The following MROH9 variants were observed in gnomAD, a reference collection of about 807,000 sequenced individuals.
MROH9 encodes the protein maestro heat-like repeat-containing protein family member 9.
In MROH9, 92 loss-of-function variants were observed where a neutral mutation model predicts 98.2. The observed-to-expected ratio is 0.94, with a 90% CI of 0.79 to 1.11. The LOEUF is 1.11. Among genes scored for constraint, MROH9 ranks in the 50% most tolerant of loss-of-function variants. The pLI, the probability that MROH9 is intolerant of heterozygous loss-of-function variation, is 0.00. For missense variants in MROH9, 1,057 were observed against 1,014.8 expected (o/e 1.04, Z -0.57); for synonymous variants, 397 against 368.9 (o/e 1.08, Z -0.87).
chr1:170,973,424 G>T (rs1461811896), intron 8 of MROH9, among the ~76,000 whole-genome samples: 2 of 151,958 alleles, frequency 1.3e-5, no homozygotes, highest in Non-Finnish European at 2.9e-5. Flanking sequence ...CTGTTTTAGT[G>T]CTACTTAAAA....
At chr1:170,978,325 C>A (rs1027258581) in intron 8 of MROH9, among the ~76,000 whole-genome samples, 21 of 152,136 alleles carry the variant, frequency 1.4e-4, no homozygotes, top group African/African-American at 4.1e-4. Context: ...TTGAGGGCAG[C>A]AGGGATAGAA....
chr1:170,981,834 A>G (rs1018425156), intron 8 of MROH9, among the ~76,000 whole-genome samples: 4 of 152,170 alleles, frequency 2.6e-5, no homozygotes, highest in African/African-American at 7.2e-5. Flanking sequence ...GCAAAGGAGC[A>G]AATCAAATAA....
At chr1:170,939,055 C>T (rs1158992020) in intron 1 of MROH9, among the ~76,000 whole-genome samples, 2 of 152,214 alleles carry the variant, frequency 1.3e-5, no homozygotes, top group East Asian at 3.8e-4. Flanking sequence ...GTCATCCTAT[C>T]TGCTTGATTA....
At chr1:170,949,378 A>G (rs2101875896) in intron 3 of MROH9, among the ~76,000 whole-genome samples, 1 of 152,168 alleles carries the variant, frequency 6.6e-6, no homozygotes, top group African/African-American at 2.4e-5. Flanking sequence ...AGTCAAGAGG[A>G]AATAACAGGA....
At chr1:171,048,545 T>C (rs940904955) in intron 20 of MROH9, among the ~76,000 whole-genome samples, 4 of 152,102 alleles carry the variant, frequency 2.6e-5, no homozygotes, top group African/African-American at 7.2e-5. Context: ...TTCAGGACAG[T>C]GGCTTCCCCT....
At chr1:170,974,292 C>G (rs1295486237) in intron 8 of MROH9, among the ~76,000 whole-genome samples, 1 of 151,824 alleles carries the variant, frequency 6.6e-6, no homozygotes, top group Non-Finnish European at 1.5e-5. Context: ...GTAATAAAAG[C>G]TATAAACTCA....
chr1:171,059,985 T>A (rs1485849646), intron 20 of MROH9, among the ~76,000 whole-genome samples: 1 of 151,112 alleles, frequency 6.6e-6, no homozygotes, highest in African/African-American at 2.4e-5. Flanking sequence ...TTTTAAAAAA[T>A]GATGGAAAGA....
intron 8 of MROH9, among the ~76,000 whole-genome samples, chr1:170,982,012 C>G (rs941864061): frequency 1.3e-5 from 2 of 152,098 alleles, no homozygotes; most frequent in African/African-American, 4.8e-5. Flanking sequence ...GGTATAACAA[C>G]TTTGGAAAGT....
intron 8 of MROH9, among the ~76,000 whole-genome samples, chr1:170,973,549 G>A (rs1186368507): frequency 6.6e-6 from 1 of 152,036 alleles, no homozygotes; most frequent in Non-Finnish European, 1.5e-5. Flanking sequence ...CACTCAACAA[G>A]TTAAAATTAA....
intron 3 of MROH9, among the ~76,000 whole-genome samples, chr1:170,956,173 A>C (rs1403774301): frequency 6.6e-6 from 1 of 152,128 alleles, no homozygotes; most frequent in Admixed American, 6.5e-5. Context: ...CCATTGGTCT[A>C]TGTGCCTATT....
intron 20 of MROH9, among the ~76,000 whole-genome samples, chr1:171,046,712 G>A (rs1416192756): frequency 6.6e-6 from 1 of 152,146 alleles, no homozygotes; most frequent in African/African-American, 2.4e-5. Context: ...CAGTCACAGT[G>A]TTATAATATT....
chr1:170,995,574 G>C (rs531420530), intron 13 of MROH9, 43 bp downstream of exon 13: 1 of 1,604,066 alleles, frequency 6.2e-7, no homozygotes, highest in Non-Finnish European at 8.5e-7. Context: ...AGAGATAAGC[G>C]TCCAGCTGTC....
chr1:170,975,596 CT>C (rs1171304704), intron 8 of MROH9, among the ~76,000 whole-genome samples: 1 of 152,146 alleles, frequency 6.6e-6, no homozygotes, highest in African/African-American at 2.4e-5. Flanking sequence ...TTAATCTGCT[CT>C]GTATGCCCAT....
At chr1:170,939,562 G>A (rs554202054) in intron 1 of MROH9, among the ~76,000 whole-genome samples, 1 of 152,348 alleles carries the variant, frequency 6.6e-6, no homozygotes, top group Admixed American at 6.5e-5. Context: ...AGAGAAGGCA[G>A]TGTAGTAGGA....
intron 20 of MROH9, among the ~76,000 whole-genome samples, chr1:171,038,172 C>G (rs1026341527): frequency 6.6e-6 from 1 of 152,012 alleles, no homozygotes; most frequent in East Asian, 1.9e-4. Context: ...CATGAATTCT[C>G]ACTGTCTAAA....
intron 17 of MROH9, among the ~76,000 whole-genome samples, chr1:171,020,802 T>A (rs1454026538): frequency 6.6e-6 from 1 of 152,114 alleles, no homozygotes; most frequent in Non-Finnish European, 1.5e-5. Flanking sequence ...GGTACTCACG[T>A]AGGAAGAGAG....
intron 7 of MROH9, among the ~76,000 whole-genome samples, chr1:170,967,396 T>C (rs1036685001): frequency 2.6e-5 from 4 of 152,202 alleles, no homozygotes; most frequent in Non-Finnish European, 4.4e-5. Flanking sequence ...GTGAAATTAA[T>C]TGGGGAGGCA....
intron 17 of MROH9, 94 bp from the exon 18 acceptor site, chr1:171,024,301 G>GTGT (rs1553219573): frequency 0.025 from 17,644 of 717,004 alleles, 185 homozygotes; most frequent in Middle Eastern, 0.057. Context: ...ATATTTATAT[G>GTGT]GGGTGTGTGT....
intron 7 of MROH9, among the ~76,000 whole-genome samples, chr1:170,971,014 A>C (rs999932618): frequency 8.5e-5 from 13 of 152,204 alleles, no homozygotes; most frequent in African/African-American, 2.2e-4. Flanking sequence ...TTGTCTAAAA[A>C]AAGACATGCA....
Sources: gnomAD v4.1 joint callset for allele counts (sites outside exome capture counted in the v4.1 genomes callset) on GRCh38, gnomAD v4.1.1 for gene constraint, MANE v1.5 for transcripts, NCBI Gene and HGNC (gene_info 2026-07-23, HGNC 2026-07-21) for gene names.